CNTN4: variants seen among roughly 807,000 people sequenced by gnomAD.
The protein encoded by CNTN4 is contactin 4.
A neutral mutation model predicts 122.5 loss-of-function variants in CNTN4; 77 were observed. The observed-to-expected ratio is 0.63, with a 90% confidence interval of 0.52 to 0.76. CNTN4 has a LOEUF of 0.76. Among genes scored for constraint, CNTN4 ranks in the 30% least tolerant of loss-of-function variants. The pLI is 0.00. For missense variants in CNTN4, 1,256 were observed against 1,259.1 expected, an observed-to-expected ratio of 1.00 and a Z score of 0.04; for synonymous variants, 512 against 447.0, an observed-to-expected ratio of 1.15 and a Z score of -1.83.
intron 6 of CNTN4, among the ~76,000 whole-genome samples, chr3:2,800,416 C>T (rs2092319482): frequency 6.6e-6 from 1 of 152,072 alleles, no homozygotes; most frequent in Non-Finnish European, 1.5e-5. Flanking sequence ...TTTGTAATCT[C>T]ACAGCATTTT....
chr3:2,918,632 A>G (rs1235380301), intron 12 of CNTN4, among the ~76,000 whole-genome samples: 1 of 152,212 alleles, frequency 6.6e-6, no homozygotes, highest in African/African-American at 2.4e-5. Context: ...ATTGGCAAGG[A>G]CTACAAACCA....
intron 3 of CNTN4, among the ~76,000 whole-genome samples, chr3:2,470,699 G>A (rs770653718): frequency 6.6e-6 from 1 of 152,116 alleles, no homozygotes; most frequent in Non-Finnish European, 1.5e-5. Flanking sequence ...CCATAAGAAC[G>A]AATGTTACTT....
chr3:2,840,442 T>C (rs1301435540), intron 7 of CNTN4, among the ~76,000 whole-genome samples: 1 of 151,364 alleles, frequency 6.6e-6, no homozygotes, highest in Non-Finnish European at 1.5e-5. Context: ...GGCTCACGCC[T>C]GTCATCCCAG....
At chr3:2,106,295 G>C (rs901856638) in intron 2 of CNTN4, among the ~76,000 whole-genome samples, 3 of 152,216 alleles carry the variant, frequency 2.0e-5, no homozygotes, top group Non-Finnish European at 2.9e-5. Flanking sequence ...TGGTGACTCT[G>C]TGTTGGGAGC....
chr3:2,717,465 G>T (rs1038397399), intron 4 of CNTN4, among the ~76,000 whole-genome samples: 3 of 152,066 alleles, frequency 2.0e-5, no homozygotes, highest in Non-Finnish European at 4.4e-5. Context: ...GCATCTCCTG[G>T]GAGAAGACTT....
chr3:2,142,280 A>G (rs1329652423), intron 2 of CNTN4, among the ~76,000 whole-genome samples: 2 of 152,224 alleles, frequency 1.3e-5, no homozygotes, highest in Non-Finnish European at 2.9e-5. Flanking sequence ...TTTCTCCAAA[A>G]TATACCAGCT....
intron 3 of CNTN4, among the ~76,000 whole-genome samples, chr3:2,393,971 A>C (rs1329930086): frequency 2.6e-5 from 4 of 152,128 alleles, no homozygotes; most frequent in Non-Finnish European, 5.9e-5. Flanking sequence ...GTGCAAAAGT[A>C]ATTGTGGTTT....
In CNTN4 at chr3:2,274,382, A is replaced by AAAAC. The variant is rs139284831; in HGVS notation, c.-144-64769_-144-64766dup. 6.0e-3 allele frequency among the ~76,000 whole-genome samples: 911 copies of AAAAC among 151,026 alleles called. 12 individuals are homozygous for AAAAC. The highest frequency in any genetic ancestry group is 0.058 in the Middle Eastern group (17 of 292). ...TGGACGACAGAGAGAGACTCCATCA[A>AAAAC]AAACAAACAAACAAACAAACAAACA... is the stretch of plus-strand genomic sequence containing the variant. On this transcript the variant is annotated intron_variant, in intron 2 of 24. Coordinates refer to ENST00000418658, the MANE Select transcript of CNTN4 (RefSeq NM_175607.3).
At chr3:2,917,162 G>C (rs144815219) in intron 12 of CNTN4, among the ~76,000 whole-genome samples, 46,483 of 138,406 alleles carry the variant, frequency 0.34, 8,827 homozygotes, top group East Asian at 0.61. Flanking sequence ...CCAGTCAGGC[G>C]TGGCGGCGCG....
intron 24 of CNTN4, 94 bp downstream of exon 24, chr3:3,054,069 A>G (rs1331175812): frequency 1.2e-5 from 15 of 1,292,678 alleles, no homozygotes; most frequent in Non-Finnish European, 1.7e-5. Flanking sequence ...CAGCCTGCAA[A>G]AGCAGACTTA....
chr3:2,817,926 T>C, intron 6 of CNTN4, among the ~76,000 whole-genome samples: 1 of 152,244 alleles, frequency 6.6e-6, no homozygotes, highest in Non-Finnish European at 1.5e-5. Flanking sequence ...AAAAATACCA[T>C]GTTCTACCCT....
At chr3:2,448,088 G>A (rs772982886) in intron 3 of CNTN4, among the ~76,000 whole-genome samples, 1 of 152,294 alleles carries the variant, frequency 6.6e-6, no homozygotes, top group East Asian at 1.9e-4. Context: ...AATTGTGCCT[G>A]GTGGGATCAT....
At chr3:2,429,496 G>A (rs2047976633) in intron 3 of CNTN4, among the ~76,000 whole-genome samples, 1 of 152,208 alleles carries the variant, frequency 6.6e-6, no homozygotes, top group South Asian at 2.1e-4. Context: ...GCCCCTACTG[G>A]GAGGTGCCTC....
chr3:2,437,560 C>A (rs1314325173), intron 3 of CNTN4, among the ~76,000 whole-genome samples: 3 of 152,016 alleles, frequency 2.0e-5, no homozygotes, highest in Admixed American at 6.6e-5. Flanking sequence ...AAAAGAAAAA[C>A]CCTAGCATAA....
intron 4 of CNTN4, among the ~76,000 whole-genome samples, chr3:2,652,449 T>C (rs1259330012): frequency 6.6e-6 from 1 of 152,108 alleles, no homozygotes; most frequent in African/African-American, 2.4e-5. Flanking sequence ...CAAAATACAG[T>C]AAGTGTTCAG....
intron 10 of CNTN4, among the ~76,000 whole-genome samples, chr3:2,899,564 T>G (rs1313348202): frequency 6.6e-6 from 1 of 152,188 alleles, no homozygotes; most frequent in Non-Finnish European, 1.5e-5. Flanking sequence ...GAGGCAAGAT[T>G]TGATATTTAT....
At chr3:2,234,370 C>CAAAAAAAAAAAAA (rs72401999) in intron 2 of CNTN4, among the ~76,000 whole-genome samples, 11 of 94,742 alleles carry the variant, frequency 1.2e-4, no homozygotes, top group African/African-American at 3.4e-4. Context: ...AAGTCCATCT[C>CAAAAAAAAAAAAA]AAAAAAAAAA....
Position 3,026,295 on chromosome 3 carries a change from A to G in CNTN4, c.1662+18A>G. Reference sequence around the variant, plus strand: ...TTGGAGGGGTAAGTATTAATAGCAAAAACTGACTCAAACTAACTTGTTTAG... The same window carrying G: ...TTGGAGGGGTAAGTATTAATAGCAAGAACTGACTCAAACTAACTTGTTTAG... On this transcript the variant is annotated intron_variant, in intron 15 of 24. Coordinates refer to ENST00000418658, the MANE Select transcript of CNTN4 (RefSeq NM_175607.3). 1.2e-6 allele frequency: 2 copies of G among 1,602,622 alleles called. No individual in the cohort carries two copies. The highest frequency in any genetic ancestry group is 1.7e-6 in the Non-Finnish European group (2 of 1,169,814).
chr3:2,744,594 T>G (rs2089653705), intron 5 of CNTN4, among the ~76,000 whole-genome samples: 1 of 152,332 alleles, frequency 6.6e-6, no homozygotes, highest in Non-Finnish European at 1.5e-5. Flanking sequence ...GTGTAAGAGT[T>G]GTGGGGGTAA....
Sources: gnomAD v4.1 joint callset for allele counts (sites outside exome capture counted in the v4.1 genomes callset) on GRCh38, gnomAD v4.1.1 for gene constraint, MANE v1.5 for transcripts, NCBI Gene and HGNC (gene_info 2026-07-23, HGNC 2026-07-21) for gene names.